SLC60A1: variants seen among roughly 807,000 people sequenced by gnomAD.
SLC60A1 encodes the protein solute carrier family 60 member 1, also known as major facilitator superfamily domain containing 4.
chr1:205,597,880 G>A, the SLC60A1 span: 1 of 1,608,468 alleles, frequency 6.2e-7, no homozygotes, highest in Admixed American at 1.7e-5. Flanking sequence ...GGAGAGGGGA[G>A]CATTTGGGGA....
At chr1:205,586,046 G>T in the SLC60A1 span, 2 of 1,599,104 alleles carry the variant, frequency 1.3e-6, no homozygotes. Context: ...TGCCTATTCC[G>T]CCTTCGTGTA....
At chr1:205,582,647 T>G in the SLC60A1 span, among the ~76,000 whole-genome samples, 1 of 152,138 alleles carries the variant, frequency 6.6e-6, no homozygotes. Flanking sequence ...CCTCTGTGGG[T>G]GGGTTTCCTG....
At chr1:205,586,034 G>C in the SLC60A1 span, 2 of 1,594,356 alleles carry the variant, frequency 1.3e-6, no homozygotes, top group South Asian at 2.2e-5. Context: ...CTCTCCACAG[G>C]GTGCCTATTC....
chr1:205,597,186 G>A, the SLC60A1 span, among the ~76,000 whole-genome samples: 2 of 152,290 alleles, frequency 1.3e-5, no homozygotes, highest in East Asian at 3.9e-4. Context: ...GAATGCCAGG[G>A]CTAAGCAAGA....
chr1:205,588,282 C>G, the SLC60A1 span, among the ~76,000 whole-genome samples: 1 of 151,794 alleles, frequency 6.6e-6, no homozygotes, highest in South Asian at 2.1e-4. Context: ...CCAGCCTGAC[C>G]AACATGGTGA....
chr1:205,599,351 G>T, the SLC60A1 span: 1 of 1,437,624 alleles, frequency 7.0e-7, no homozygotes, highest in Middle Eastern at 2.1e-4. Flanking sequence ...TGCCAGAAAC[G>T]CTGCTCTGTT....
chr1:205,584,892 C>G, the SLC60A1 span: 3 of 1,613,926 alleles, frequency 1.9e-6, no homozygotes, highest in African/African-American at 4.0e-5. Flanking sequence ...AGGACCTGTT[C>G]AGCTGCTGCC....
the SLC60A1 span, chr1:205,601,582 TTTG>T: frequency 6.6e-6 from 1 of 152,114 alleles, no homozygotes; most frequent in Non-Finnish European, 1.5e-5. Context: ...TACATCTTTT[TTTG>T]TTTTTGTTTT....
chr1:205,583,306 C>G, the SLC60A1 span, among the ~76,000 whole-genome samples: 2 of 152,174 alleles, frequency 1.3e-5, no homozygotes, highest in African/African-American at 2.4e-5. Flanking sequence ...ACATGTATTT[C>G]TCAATCAAAA....
the SLC60A1 span, among the ~76,000 whole-genome samples, chr1:205,589,445 C>A: frequency 6.6e-6 from 1 of 152,082 alleles, no homozygotes; most frequent in Non-Finnish European, 1.5e-5. Context: ...TCTAAGTGGG[C>A]AGGAAGCCAA....
the SLC60A1 span, chr1:205,591,895 GAGATGTCTAGGTGGGA>G: frequency 8.2e-6 from 4 of 486,562 alleles, no homozygotes; most frequent in South Asian, 2.3e-5. Flanking sequence ...GCTGTTAGGG[GAGATGTCTAGGTGGGA>G]AGATGTCTAG....
At chr1:205,600,595 G>A in the SLC60A1 span, 2 of 795,400 alleles carry the variant, frequency 2.5e-6, no homozygotes, top group East Asian at 5.4e-5. Context: ...AAACTTGGTT[G>A]GGTAGAGGAA....
chr1:205,586,930 C>T, the SLC60A1 span, among the ~76,000 whole-genome samples: 1 of 152,084 alleles, frequency 6.6e-6, no homozygotes, highest in East Asian at 1.9e-4. Flanking sequence ...CTCCTGACCT[C>T]TTAATGATCC....
chr1:205,579,438 AT>A, the SLC60A1 span: 1 of 546,536 alleles, frequency 1.8e-6, no homozygotes, highest in South Asian at 2.9e-5. Context: ...GGTGGGGAAT[AT>A]TTTTGCATTT....
At chr1:205,581,382 C>G in the SLC60A1 span, among the ~76,000 whole-genome samples, 106 of 152,352 alleles carry the variant, frequency 7.0e-4, no homozygotes, top group African/African-American at 1.5e-3. The surrounding 1 kb of genome is among the most constrained non-coding windows in gnomAD (Gnocchi z 4.2). Context: ...CCCTGCCTGC[C>G]AAGGCAGCCT....
chr1:205,584,243 CAG>C, the SLC60A1 span: 11 of 953,918 alleles, frequency 1.2e-5, no homozygotes, highest in African/African-American at 4.2e-5. Context: ...TTTTTTGAGA[CAG>C]AGTTTCACTC....
At chr1:205,586,129 C>A in the SLC60A1 span, 1 of 1,613,634 alleles carries the variant, frequency 6.2e-7, no homozygotes, top group Non-Finnish European at 8.5e-7. Flanking sequence ...TCTTCTGGGG[C>A]TTCATCACAC....
the SLC60A1 span, among the ~76,000 whole-genome samples, chr1:205,594,435 C>T: frequency 1.3e-5 from 2 of 152,086 alleles, no homozygotes; most frequent in Non-Finnish European, 2.9e-5. Flanking sequence ...GCGGGTGGAT[C>T]ACTTGAAGTC....
chr1:205,580,693 G>A, the SLC60A1 span: 1 of 1,610,240 alleles, frequency 6.2e-7, no homozygotes, highest in Non-Finnish European at 8.5e-7. This position sits in a 1 kb window ranked among gnomAD's most constrained non-coding sequence, Gnocchi z 5.0. Flanking sequence ...TTGGTGCTCT[G>A]CTGAGCCCCC....
Sources: allele counts gnomAD v4.1 joint callset (sites outside exome capture counted in the v4.1 genomes callset), GRCh38; gene constraint gnomAD v4.1.1; non-coding constraint Gnocchi (gnomAD v3.1); transcripts MANE v1.5; gene names NCBI Gene and HGNC (gene_info 2026-07-23, HGNC 2026-07-21).